HDAC8: variants seen among roughly 807,000 people sequenced by gnomAD.
HDAC8 encodes histone deacetylase 8.
HDAC8 carries 1 observed loss-of-function variant against 32.2 expected under a neutral mutation model. That is an observed-to-expected ratio of 0.03 (90% CI 0.01 to 0.15). HDAC8 has a LOEUF of 0.15. HDAC8 is among the 10% of genes least tolerant of loss of function. The pLI, the probability that HDAC8 is intolerant of heterozygous loss-of-function variation, is 1.00. For synonymous variants in HDAC8, 108 were observed against 113.9 expected (o/e 0.95, Z 0.33); for missense variants, 117 against 300.0 (o/e 0.39, Z 4.51).
chrX:72,418,248 T>C, intron 9 of HDAC8, among the ~76,000 whole-genome samples: 1 of 111,299 alleles, frequency 9.0e-6, no homozygotes, highest in East Asian at 2.8e-4. Flanking sequence ...TGCACAGCAA[T>C]AGAAACTATC....
intron 7 of HDAC8, among the ~76,000 whole-genome samples, chrX:72,487,935 C>CAA (rs782170397): frequency 0.031 from 1,590 of 50,651 alleles, 62 homozygotes; most frequent in African/African-American, 0.099. Context: ...TGGCAGGCTC[C>CAA]AAAAAAAAAA....
chrX:72,429,504 T>A (rs2046751744), intron 9 of HDAC8, among the ~76,000 whole-genome samples: 1 of 112,211 alleles, frequency 8.9e-6, no homozygotes, highest in Admixed American at 9.5e-5. Flanking sequence ...AGCGATGCTA[T>A]CTCCATACCA....
intron 4 of HDAC8, among the ~76,000 whole-genome samples, chrX:72,549,070 A>G (rs1196304054): frequency 4.5e-5 from 5 of 112,071 alleles, no homozygotes; most frequent in Admixed American, 9.4e-5. Context: ...CCTTCTACCA[A>G]GAATAAATTT....
intron 4 of HDAC8, among the ~76,000 whole-genome samples, chrX:72,498,330 G>A (rs1206233063): frequency 9.0e-6 from 1 of 111,414 alleles, no homozygotes; most frequent in Non-Finnish European, 1.9e-5. Flanking sequence ...ATAGGAAAAT[G>A]TTATTAGCAT....
intron 9 of HDAC8, among the ~76,000 whole-genome samples, chrX:72,438,150 A>G (rs2047008045): frequency 8.9e-6 from 1 of 112,238 alleles, no homozygotes; most frequent in African/African-American, 3.2e-5. Flanking sequence ...GGAAGGAACA[A>G]GCAACAATCT....
chrX:72,474,336 G>T (rs2048269404), intron 7 of HDAC8: 2 of 761,633 alleles, frequency 2.6e-6, no homozygotes, highest in Admixed American at 8.0e-5. Flanking sequence ...TAACTTCCTC[G>T]AGGGTAGAAT....
At chrX:72,364,347 G>A (rs985656401) in intron 9 of HDAC8, among the ~76,000 whole-genome samples, 1 of 111,098 alleles carries the variant, frequency 9.0e-6, no homozygotes, top group Non-Finnish European at 1.9e-5. Context: ...GCAGGAGTTC[G>A]CGCCCTCTGT....
intron 9 of HDAC8, among the ~76,000 whole-genome samples, chrX:72,422,151 A>C (rs1555973818): frequency 9.0e-6 from 1 of 111,085 alleles, no homozygotes; most frequent in Non-Finnish European, 1.9e-5. Context: ...ACTTGGAGTT[A>C]TTATTCTACT....
intron 7 of HDAC8, chrX:72,466,684 C>T (rs1555994780): frequency 8.9e-6 from 1 of 112,158 alleles, no homozygotes; most frequent in East Asian, 2.8e-4. Flanking sequence ...AATAGACTTA[C>T]CATATGACCT....
In HDAC8 at chrX:72,432,020, G is replaced by C. The variant is rs781960807; in HGVS notation, c.1005+29984C>G. 1.8e-4 allele frequency among the ~76,000 whole-genome samples: 20 copies of C among 111,543 alleles called. No homozygotes were observed. In the South Asian group the frequency reaches 7.2e-3, roughly 40 times the overall value. On this transcript the variant is annotated intron_variant, in intron 9 of 10. Transcript: ENST00000373573. ...GTTCATGATATTAATCATTGTGCTG[G>C]AGTGCAGCGGCATGATCATAGCTCA... is the stretch of plus-strand genomic sequence containing the variant.
chrX:72,359,676 G>A (rs1189906939), intron 9 of HDAC8, among the ~76,000 whole-genome samples: 3 of 111,241 alleles, frequency 2.7e-5, no homozygotes, highest in African/African-American at 9.8e-5. Context: ...GACTGATGTA[G>A]AGGCACCTGC....
rs188791184 is a variant in HDAC8 at position 72,476,230 on chromosome X, G to A, written c.738-11499C>T. Reference sequence around the variant, plus strand: ...ACACTAATTCTAATTCGAATGCAATGCTCTTGTTACTAAATCCCAATGGTC... The same window carrying A: ...ACACTAATTCTAATTCGAATGCAATACTCTTGTTACTAAATCCCAATGGTC... On this transcript the variant is annotated intron_variant, in intron 7 of 10. Transcript: ENST00000373573. Among the ~76,000 whole-genome samples, 7 of 110,154 alleles carry A rather than the reference G, an allele frequency of 6.4e-5. No homozygotes were observed. The East Asian group carries it at 2.0e-3, about 32-fold the overall frequency.
rs1174495114 is a variant in HDAC8, at chrX:72,540,533, T to TA, written c.437+27355dup. On this transcript the variant is annotated intron_variant, in intron 4 of 10. Coordinates refer to ENST00000373573, the MANE Select transcript of HDAC8 (RefSeq NM_018486.3). The stretch of plus-strand genomic sequence containing the variant: ...TCCCTCTAGTGGTTTTTTTTTTTGT[T>TA]AAAATGTGAAGCTTATATAACAGCC... Among the ~76,000 whole-genome samples, 5 of 110,271 alleles carry TA rather than the reference T, an allele frequency of 4.5e-5. 1 individual carries two copies. Among genetic ancestry groups the TA allele is most frequent in the Non-Finnish European group, 9.5e-5 (5 of 52,804 alleles).
chrX:72,435,287 C>T (rs782178950), intron 9 of HDAC8, among the ~76,000 whole-genome samples: 42 of 111,869 alleles, frequency 3.8e-4, no homozygotes, highest in Non-Finnish European at 6.8e-4. Flanking sequence ...AAGCTATAGG[C>T]TTTTTAGCCT....
chrX:72,493,736 G>A (rs1413065510), intron 5 of HDAC8, among the ~76,000 whole-genome samples: 1 of 111,117 alleles, frequency 9.0e-6, no homozygotes, highest in Admixed American at 9.6e-5. Context: ...TTGGTCTGTC[G>A]CCCAAGCTGG....
intron 6 of HDAC8, among the ~76,000 whole-genome samples, chrX:72,489,699 C>A (rs1183956803): frequency 1.8e-5 from 2 of 110,868 alleles, no homozygotes; most frequent in Non-Finnish European, 3.8e-5. Context: ...TGGGCAAGGA[C>A]TTCATGTCTA....
chrX:72,333,290 T>A (rs1434810707), intron 10 of HDAC8, among the ~76,000 whole-genome samples: 1 of 112,024 alleles, frequency 8.9e-6, no homozygotes, highest in African/African-American at 3.2e-5. Flanking sequence ...TAGTCACATC[T>A]CTTGTTACTC....
At chrX:72,466,552 T>C (rs1380767232) in intron 7 of HDAC8, 3 of 111,344 alleles carry the variant, frequency 2.7e-5, no homozygotes, top group Admixed American at 9.6e-5. Context: ...AAATGAAAAA[T>C]GGTAACAACG....
intron 9 of HDAC8, among the ~76,000 whole-genome samples, chrX:72,403,244 T>C (rs1235959722): frequency 1.8e-5 from 2 of 111,833 alleles, no homozygotes; most frequent in Non-Finnish European, 3.8e-5. Context: ...TCTTCTTTTG[T>C]ATTAGGTGGT....
Sources: gnomAD v4.1 joint callset for allele counts (sites outside exome capture counted in the v4.1 genomes callset) on GRCh38, gnomAD v4.1.1 for gene constraint, MANE v1.5 for transcripts, NCBI Gene and HGNC (gene_info 2026-07-23, HGNC 2026-07-21) for gene names.